Variants in ITSN1 observed in about 807,000 individuals in gnomAD.
ITSN1 encodes intersectin-1.
In ITSN1, 58 loss-of-function variants were observed where a neutral mutation model predicts 239.8. The ratio of observed to expected loss-of-function variants is 0.24; its 90% CI spans 0.20 to 0.30. ITSN1 has a LOEUF of 0.30. Among genes scored for constraint, ITSN1 ranks in the 10% least tolerant of loss-of-function variants. The pLI is 1.00. For missense variants in ITSN1, 1,558 were observed against 2,103.3 expected (o/e 0.74, Z 5.07); for synonymous variants, 780 against 770.8 (o/e 1.01, Z -0.20).
intron 5 of ITSN1, among the ~76,000 whole-genome samples, chr21:33,749,199 T>G (rs1464244666): frequency 6.6e-6 from 1 of 152,132 alleles, no homozygotes; most frequent in Non-Finnish European, 1.5e-5. Flanking sequence ...TATGTTGCCC[T>G]GTCTGGTTTT....
At chr21:33,847,367 C>T (rs1245957701) in intron 29 of ITSN1, among the ~76,000 whole-genome samples, 4 of 152,230 alleles carry the variant, frequency 2.6e-5, no homozygotes, top group Non-Finnish European at 4.4e-5. Context: ...AACCTCTCAG[C>T]CTGATCTTGC....
At chr21:33,779,623 A>G (rs937722531) in intron 14 of ITSN1, among the ~76,000 whole-genome samples, 3 of 152,142 alleles carry the variant, frequency 2.0e-5, no homozygotes, top group Admixed American at 2.0e-4. Context: ...TTTATTAGCT[A>G]CTGAGAGTGG....
chr21:33,699,231 G>A (rs1601706005), intron 1 of ITSN1, among the ~76,000 whole-genome samples: 2 of 151,882 alleles, frequency 1.3e-5, no homozygotes, highest in South Asian at 4.1e-4. Flanking sequence ...TTTTAATCTT[G>A]TATTCTATAT....
intron 22 of ITSN1, 83 bp downstream of exon 22, chr21:33,814,155 T>C: frequency 6.8e-7 from 1 of 1,460,888 alleles, no homozygotes; most frequent in South Asian, 1.3e-5. Flanking sequence ...GGCAATGTCA[T>C]TTTGAAGCAA....
chr21:33,792,384 T>G (rs1421828244), intron 16 of ITSN1, among the ~76,000 whole-genome samples: 1 of 152,174 alleles, frequency 6.6e-6, no homozygotes, highest in East Asian at 1.9e-4. Context: ...TTTTGTATTT[T>G]TAGTAGAGAC....
intron 31 of ITSN1, among the ~76,000 whole-genome samples, chr21:33,863,309 C>T (rs34345312): frequency 0.22 from 34,135 of 152,178 alleles, 4,254 homozygotes; most frequent in East Asian, 0.4. Context: ...TCTGCAGATG[C>T]TCTTTCTTCT....
At chr21:33,750,548 G>C (rs2067483992) in intron 6 of ITSN1, among the ~76,000 whole-genome samples, 1 of 152,206 alleles carries the variant, frequency 6.6e-6, no homozygotes, top group Non-Finnish European at 1.5e-5. Context: ...GGGTACCACT[G>C]TGGACAAAGG....
chr21:33,798,881 GT>G (rs896175507), intron 18 of ITSN1, among the ~76,000 whole-genome samples: 10 of 149,060 alleles, frequency 6.7e-5, no homozygotes, highest in African/African-American at 1.2e-4. Context: ...TTTTTTGATA[GT>G]TTTTTTTTTA....
intron 1 of ITSN1, among the ~76,000 whole-genome samples, chr21:33,650,411 G>A (rs1200427245): frequency 6.6e-6 from 1 of 152,178 alleles, no homozygotes; most frequent in Non-Finnish European, 1.5e-5. Context: ...GTGTGTGTCT[G>A]TTTGCCTGTG....
intron 19 of ITSN1, 104 bp from the exon 20 acceptor site, chr21:33,802,326 A>G: frequency 8.6e-7 from 1 of 1,159,558 alleles, no homozygotes; most frequent in East Asian, 2.4e-5. Flanking sequence ...CTAGTTAACC[A>G]CCAGCTTGAT....
intron 32 of ITSN1, 90 bp from the exon 33 acceptor site, chr21:33,867,143 G>T (rs973952323): frequency 3.9e-6 from 3 of 762,764 alleles, no homozygotes; most frequent in African/African-American, 3.4e-5. Flanking sequence ...TGAGATAATG[G>T]GTGGAGAGTC....
intron 10 of ITSN1, among the ~76,000 whole-genome samples, chr21:33,767,486 A>G (rs937316855): frequency 2.6e-5 from 4 of 152,158 alleles, no homozygotes; most frequent in African/African-American, 9.7e-5. Flanking sequence ...AATTGTTTCA[A>G]TTTTGGTGGT....
chr21:33,683,671 A>C (rs2091090731), intron 1 of ITSN1, among the ~76,000 whole-genome samples: 1 of 152,124 alleles, frequency 6.6e-6, no homozygotes, highest in Admixed American at 6.5e-5. Context: ...TATGTTACTA[A>C]AAGGTACCTT....
Position 33,662,420 on chromosome 21 carries a change from T to C in ITSN1, c.-33+19707T>C, listed in dbSNP as rs527985542. On this transcript the variant is annotated intron_variant, in intron 1 of 39. Coordinates refer to ENST00000381318, the MANE Select transcript of ITSN1 (RefSeq NM_003024.3). ...GTGACTTAAACTTAATTTATACTAA[T>C]ATTTTTCATTTTGAACCTTCTTATA... Among the ~76,000 whole-genome samples, 73 of 152,328 alleles carry C rather than the reference T, an allele frequency of 4.8e-4. No individual in the cohort carries two copies. The South Asian group carries it at 0.015, about 31-fold the overall frequency.
At chr21:33,794,064 T>C (rs1428478196) in intron 16 of ITSN1, among the ~76,000 whole-genome samples, 1 of 152,216 alleles carries the variant, frequency 6.6e-6, no homozygotes, top group Non-Finnish European at 1.5e-5. Flanking sequence ...GCAGCAGAGC[T>C]CACCTCCTGC....
chr21:33,716,169 A>T (rs917648275), intron 1 of ITSN1, among the ~76,000 whole-genome samples: 2 of 152,156 alleles, frequency 1.3e-5, no homozygotes, highest in Non-Finnish European at 2.9e-5. Context: ...CACGTATTCC[A>T]AAAGGCTGAA....
At chr21:33,734,573 AG>A (rs1387931154) in intron 4 of ITSN1, among the ~76,000 whole-genome samples, 1 of 152,236 alleles carries the variant, frequency 6.6e-6, no homozygotes, top group Non-Finnish European at 1.5e-5. Context: ...AGCTCTACAA[AG>A]AATGCAATCT....
chr21:33,762,961 C>G (rs1025153224), intron 9 of ITSN1, among the ~76,000 whole-genome samples: 3 of 152,038 alleles, frequency 2.0e-5, no homozygotes, highest in Admixed American at 6.6e-5. Flanking sequence ...CTGCGCCTGA[C>G]CGACTTTCTT....
chr21:33,661,485 C>T (rs894919442), intron 1 of ITSN1, among the ~76,000 whole-genome samples: 4 of 151,904 alleles, frequency 2.6e-5, no homozygotes, highest in Non-Finnish European at 4.4e-5. Flanking sequence ...CCAGTGACCA[C>T]ACTGGTACAG....
Sources: allele counts gnomAD v4.1 joint callset (sites outside exome capture counted in the v4.1 genomes callset), GRCh38; gene constraint gnomAD v4.1.1; transcripts MANE v1.5; gene names NCBI Gene and HGNC (gene_info 2026-07-23, HGNC 2026-07-21).